Variants in SELENOF observed in about 807,000 individuals in gnomAD.
The protein encoded by SELENOF is selenoprotein F, also known as 15 kDa selenoprotein.
Under a neutral mutation model 20.5 loss-of-function variants are expected in SELENOF, and 16 were observed. The ratio of observed to expected loss-of-function variants is 0.78; its 90% confidence interval spans 0.53 to 1.19. The LOEUF is 1.19. Among genes scored for constraint, SELENOF ranks in the 50% most tolerant of loss-of-function variants. The pLI is 0.00. For missense variants in SELENOF, 215 were observed against 194.2 expected (o/e 1.11, Z -0.64); for synonymous variants, 78 against 74.5 (o/e 1.05, Z -0.24).
At chr1:86,870,703 C>T (rs1658739280) in intron 3 of SELENOF, among the ~76,000 whole-genome samples, 1 of 152,128 alleles carries the variant, frequency 6.6e-6, no homozygotes, top group Admixed American at 6.5e-5. Context: ...CTGCAAGCTC[C>T]GCCTTCCTGG....
intron 3 of SELENOF, among the ~76,000 whole-genome samples, chr1:86,874,222 G>A (rs1440113122): frequency 6.6e-6 from 1 of 152,050 alleles, no homozygotes; most frequent in Non-Finnish European, 1.5e-5. Flanking sequence ...GCCTGCCTCG[G>A]CCTCCCAAAG....
At chr1:86,892,555 TTC>T (rs1659417086) in intron 2 of SELENOF, among the ~76,000 whole-genome samples, 2 of 152,224 alleles carry the variant, frequency 1.3e-5, no homozygotes, top group Non-Finnish European at 2.9e-5. Flanking sequence ...AGCATTCTCT[TTC>T]TGACAGCCTG....
chr1:86,869,735 CTTTT>C (rs1284256244), intron 3 of SELENOF, among the ~76,000 whole-genome samples: 8 of 151,000 alleles, frequency 5.3e-5, no homozygotes, highest in African/African-American at 1.9e-4. Context: ...TTCTTTCTTT[CTTTT>C]CTTTTCTTTC....
At chr1:86,895,529 G>T in intron 2 of SELENOF, among the ~76,000 whole-genome samples, 1 of 152,134 alleles carries the variant, frequency 6.6e-6, no homozygotes, top group East Asian at 1.9e-4. Context: ...CCAATTTATA[G>T]TTATAAAAAC....
intron 3 of SELENOF, among the ~76,000 whole-genome samples, chr1:86,872,539 T>G (rs1347006092): frequency 2.7e-5 from 4 of 149,770 alleles, no homozygotes; most frequent in Non-Finnish European, 4.5e-5. Context: ...CAGCTAATGT[T>G]TTTTTTTTTT....
At chr1:86,887,079 T>G in intron 2 of SELENOF, 3 of 1,407,572 alleles carry the variant, frequency 2.1e-6, no homozygotes, top group Non-Finnish European at 2.8e-6. Flanking sequence ...TGTTTAGTGA[T>G]CTACTGGTGT....
intron 2 of SELENOF, among the ~76,000 whole-genome samples, chr1:86,899,992 CG>C (rs199828525): frequency 0.041 from 6,289 of 151,622 alleles, 147 homozygotes; most frequent in Middle Eastern, 0.092. Context: ...AGACGATGGG[CG>C]GCCGGGCAGA....
At chr1:86,881,061 T>C (rs938457522) in intron 2 of SELENOF, among the ~76,000 whole-genome samples, 1 of 151,954 alleles carries the variant, frequency 6.6e-6, no homozygotes, top group Non-Finnish European at 1.5e-5. Flanking sequence ...GTTTCCTACC[T>C]TTTTTTTAGG....
chr1:86,881,249 A>C (rs1353106810), intron 2 of SELENOF, among the ~76,000 whole-genome samples: 1 of 152,214 alleles, frequency 6.6e-6, no homozygotes, highest in Admixed American at 6.5e-5. Context: ...AAGAACTCAA[A>C]TGCAAATATT....
rs542458255 is a variant in SELENOF at position 86,910,862 on chromosome 1, G to A, written c.84+3166C>T. Among the ~76,000 whole-genome samples, 457 of 152,222 alleles carry A rather than the reference G, an allele frequency of 3.0e-3. 2 individuals carry two copies. Among genetic ancestry groups the A allele is most frequent in the South Asian group, 6.4e-3 (31 of 4,818 alleles). On this transcript the variant is annotated intron_variant, in intron 1 of 4. Transcript: ENST00000331835. ...AATTTTCATCTACACACCTCCAGTT[G>A]GGATCACTGATAATAGAGCTCTATG...
rs746033559 is a variant in SELENOF, at chr1:86,883,523, T to C, written c.253-2798A>G. On this transcript the variant is annotated intron_variant, in intron 2 of 4. Coordinates refer to ENST00000331835, the MANE Select transcript of SELENOF (RefSeq NM_004261.5). ...CTAAATAGTGTATAGTGTACATACATAGTGTATAGTTAAAATAGTGAATAG... is the reference window on the plus strand; with the variant it reads ...CTAAATAGTGTATAGTGTACATACACAGTGTATAGTTAAAATAGTGAATAG... Among the ~76,000 whole-genome samples, 6 of 152,086 alleles carry C rather than the reference T, an allele frequency of 3.9e-5. No individual in the cohort carries two copies. The South Asian group carries it at 1.0e-3, about 26-fold the overall frequency.
intron 2 of SELENOF, among the ~76,000 whole-genome samples, chr1:86,897,402 T>C (rs1468443017): frequency 6.6e-6 from 1 of 152,154 alleles, no homozygotes; most frequent in Admixed American, 6.5e-5. Context: ...GTTTTGGGAA[T>C]ACAAAAGTGT....
intron 2 of SELENOF, among the ~76,000 whole-genome samples, chr1:86,894,170 G>GTTT (rs36023452): frequency 1.5e-5 from 2 of 132,624 alleles, no homozygotes; most frequent in Admixed American, 7.7e-5. Context: ...CAACCTGGAG[G>GTTT]TTTTTTTTTT....
At chr1:86,879,301 A>AAAAT (rs1247787292) in intron 3 of SELENOF, among the ~76,000 whole-genome samples, 1 of 152,144 alleles carries the variant, frequency 6.6e-6, no homozygotes, top group Admixed American at 6.6e-5. Context: ...TGTTTGAGGC[A>AAAAT]AAATAAATAA....
At chr1:86,871,778 T>C (rs1570374484) in intron 3 of SELENOF, among the ~76,000 whole-genome samples, 3 of 151,634 alleles carry the variant, frequency 2.0e-5, no homozygotes, top group East Asian at 1.9e-4. Context: ...AATTTTAAAA[T>C]TGTATAAAAA....
intron 1 of SELENOF, among the ~76,000 whole-genome samples, chr1:86,907,360 G>A (rs1440892662): frequency 2.6e-5 from 4 of 152,106 alleles, no homozygotes; most frequent in Admixed American, 2.6e-4. Context: ...AAGTATAGGG[G>A]AGATACAAAG....
chr1:86,868,761 G>C (rs987678819), intron 3 of SELENOF, among the ~76,000 whole-genome samples: 12 of 151,808 alleles, frequency 7.9e-5, no homozygotes, highest in African/African-American at 2.9e-4. Flanking sequence ...CATAAATATG[G>C]AACACAAAAA....
rs578058501 is a variant in SELENOF at position 86,902,007 on chromosome 1, T to C, written c.252+1274A>G. Among the ~76,000 whole-genome samples the C allele has an allele frequency of 2.6e-5, 4 of 152,272 alleles. No homozygotes were observed. The South Asian group carries it at 8.3e-4, about 32-fold the overall frequency. On this transcript the variant is annotated intron_variant, in intron 2 of 4. Coordinates refer to ENST00000331835, the MANE Select transcript of SELENOF (RefSeq NM_004261.5). ...GTTGGTTGAGTAGTAGTACAGCCCA[T>C]AGAACAGCTTAAAGATAAGGAGAGG... is the stretch of plus-strand genomic sequence containing the variant.
chr1:86,913,855 G>A (rs1164989219), intron 1 of SELENOF, 173 bp downstream of exon 1: 2 of 621,436 alleles, frequency 3.2e-6, no homozygotes, highest in South Asian at 2.0e-5. Context: ...ACCCAAGGCG[G>A]GGAAGGAGAA....
Sources: allele counts gnomAD v4.1 joint callset (sites outside exome capture counted in the v4.1 genomes callset), GRCh38; gene constraint gnomAD v4.1.1; transcripts MANE v1.5; gene names NCBI Gene and HGNC (gene_info 2026-07-23, HGNC 2026-07-21).